The following MAP7D3 variants were observed in gnomAD, a reference collection of about 807,000 sequenced individuals.
The protein encoded by MAP7D3 is MAP7 domain containing 3.
In MAP7D3, 45 loss-of-function variants were observed where a neutral mutation model predicts 62.2. The ratio of observed to expected loss-of-function variants is 0.72; its 90% CI spans 0.57 to 0.93. The LOEUF is 0.93. Among genes scored for constraint, MAP7D3 ranks in the 40% least tolerant of loss-of-function variants. The probability of loss-of-function intolerance (pLI) is 0.00; values close to 1 mark genes in which losing one functional copy is unlikely to be tolerated. For missense variants in MAP7D3, 711 were observed against 683.1 expected (o/e 1.04, Z -0.45); for synonymous variants, 288 against 248.8 (o/e 1.16, Z -1.48).
upstream of MAP7D3, among the ~76,000 whole-genome samples, chrX:136,253,093 T>C (rs2074531386): frequency 9.0e-6 from 1 of 111,374 alleles, no homozygotes; most frequent in Admixed American, 9.5e-5. Context: ...CGAGACTCTG[T>C]CTCGAAGAAA....
chrX:136,215,929 T>C (rs1028995958), downstream of MAP7D3, among the ~76,000 whole-genome samples: 3 of 111,092 alleles, frequency 2.7e-5, no homozygotes, highest in Non-Finnish European at 5.7e-5. Context: ...GAGTGACTGC[T>C]TAAAGGACAC....
At chrX:136,230,655 G>A in intron 9 of MAP7D3, 62 bp from the exon 10 acceptor site, 1 of 906,859 alleles carries the variant, frequency 1.1e-6, no homozygotes, top group Middle Eastern at 2.7e-4. Context: ...TAAAATATAA[G>A]ATGCTATTAT....
At position 136,231,534 on chromosome X, in the gene MAP7D3, C is replaced by G; in HGVS notation, c.1413+10G>C. ...ATAGAAAATTTGTCAATAACAGGCA[C>G]TTGACAAACCTTTGGAGCGTCTCTC... On this transcript the variant is annotated intron_variant, in intron 8 of 18. Transcript: ENST00000316077. 1 of 1,179,278 alleles carries G rather than the reference C, an allele frequency of 8.5e-7. No homozygotes were observed. Among genetic ancestry groups the G allele is most frequent in the Non-Finnish European group, 1.1e-6 (1 of 880,287 alleles).
At chrX:136,216,133 A>C (rs1007428469), downstream of MAP7D3, among the ~76,000 whole-genome samples, 8 of 110,700 alleles carry the variant, frequency 7.2e-5, no homozygotes, top group Non-Finnish European at 1.5e-4. Context: ...AAAAATCAAA[A>C]GATACTGCAG....
Position 136,224,798 on chromosome X carries a change from T to C in MAP7D3, c.2193+29A>G, listed in dbSNP as rs368135893. 12 of 1,071,897 alleles carry C rather than the reference T, an allele frequency of 1.1e-5. No homozygotes were observed. In the African/African-American group the frequency reaches 2.2e-4, roughly 20 times the overall value. 88.3% of individuals were successfully genotyped at this position (1,071,897 alleles called of 1,213,427 possible). ...TAATGTGAAACAAGAGGCATTCTTATACACTGCTGGTAGGAGTATGGAGAC... is the reference window on the plus strand; with the variant it reads ...TAATGTGAAACAAGAGGCATTCTTACACACTGCTGGTAGGAGTATGGAGAC... On this transcript the variant is annotated intron_variant, in intron 14 of 18. Coordinates refer to ENST00000316077, the MANE Select transcript of MAP7D3 (RefSeq NM_024597.4).
intron 14 of MAP7D3, among the ~76,000 whole-genome samples, chrX:136,223,410 ACAAAGACACTCAC>A (rs2074154259): frequency 9.0e-6 from 1 of 110,885 alleles, no homozygotes; most frequent in Admixed American, 9.7e-5. Context: ...GAAACAGACC[ACAAAGACACTCAC>A]CATAAGGGAA....
At chrX:136,225,437 T>C (rs761485714) in intron 13 of MAP7D3, among the ~76,000 whole-genome samples, 1 of 111,745 alleles carries the variant, frequency 8.9e-6, no homozygotes, top group African/African-American at 3.2e-5. Flanking sequence ...TACTACCAGA[T>C]AGGCCTTGCA....
At position 136,232,340 on chromosome X, in the gene MAP7D3, G is replaced by A. The variant is rs956302068; in HGVS notation, c.737-120C>T. On this transcript the variant is annotated intron_variant, in intron 7 of 18. Transcript: ENST00000316077. Reference sequence around the variant, plus strand: ...GAGATTGTTTATTAGGAAAGCACAGGGATTACACACAACACAGGAAATGCT... The same window carrying A: ...GAGATTGTTTATTAGGAAAGCACAGAGATTACACACAACACAGGAAATGCT... The A allele has an allele frequency of 8.0e-6, 4 of 497,526 alleles. No individual in the cohort carries two copies. In the African/African-American group the frequency reaches 9.5e-5, roughly 12 times the overall value. 41.0% of individuals were successfully genotyped at this position (497,526 alleles called of 1,213,427 possible).
chrX:136,237,366 A>T (rs2074341283), intron 6 of MAP7D3, among the ~76,000 whole-genome samples: 1 of 112,323 alleles, frequency 8.9e-6, no homozygotes, highest in African/African-American at 3.2e-5. Context: ...GAGTAGAAAA[A>T]AATAGACTAC....
At chrX:136,253,710 GAAAT>G (rs1396999420), upstream of MAP7D3, among the ~76,000 whole-genome samples, 1 of 112,060 alleles carries the variant, frequency 8.9e-6, no homozygotes, top group Non-Finnish European at 1.9e-5. Flanking sequence ...TTCTTCTTAA[GAAAT>G]AAATAGTCAC....
chrX:136,247,838 T>C (rs2074465552), intron 1 of MAP7D3, among the ~76,000 whole-genome samples: 1 of 112,119 alleles, frequency 8.9e-6, no homozygotes, highest in Non-Finnish European at 1.9e-5. Context: ...ACTTGTAGTA[T>C]TGTTTTTACA....
chrX:136,249,750 T>C (rs1199834592), intron 1 of MAP7D3, among the ~76,000 whole-genome samples: 1 of 112,076 alleles, frequency 8.9e-6, no homozygotes, highest in Non-Finnish European at 1.9e-5. Context: ...CGCTGAGATC[T>C]AAAGGGCAGT....
intron 12 of MAP7D3, 89 bp downstream of exon 12, chrX:136,227,195 T>C: frequency 2.5e-6 from 2 of 803,943 alleles, no homozygotes; most frequent in Non-Finnish European, 3.6e-6. Flanking sequence ...TCATGTCTTC[T>C]TTCTCAGAGA....
intron 11 of MAP7D3, 148 bp from the exon 12 acceptor site, chrX:136,227,579 T>C: frequency 2.6e-6 from 1 of 385,702 alleles, no homozygotes; most frequent in Non-Finnish European, 4.3e-6. Context: ...GTTGTTACTA[T>C]ATAGGAATTA....
At chrX:136,251,235 A>C in intron 1 of MAP7D3, 54 bp downstream of exon 1, 2 of 1,028,839 alleles carry the variant, frequency 1.9e-6, no homozygotes, top group Non-Finnish European at 2.6e-6. Flanking sequence ...GACTGCGGGA[A>C]CCCTGCCTCC....
chrX:136,253,906 G>A (rs376718491), upstream of MAP7D3, among the ~76,000 whole-genome samples: 32 of 109,224 alleles, frequency 2.9e-4, no homozygotes, highest in African/African-American at 1.1e-3. Context: ...TACTCGGGAG[G>A]CTAAGGCAAG....
At chrX:136,220,724 T>A in intron 16 of MAP7D3, 41 bp downstream of exon 16, 1 of 1,055,496 alleles carries the variant, frequency 9.5e-7, no homozygotes, top group Non-Finnish European at 1.3e-6. Flanking sequence ...TCAATCATAA[T>A]CCTGCCAAGT....
chrX:136,231,978 CA>C lies in MAP7D3; in HGVS notation c.978del (p.Val327TrpfsTer7), dbSNP rs1466656081. On this transcript the variant is annotated frameshift_variant, in exon 8 of 19. Coordinates refer to ENST00000316077, the MANE Select transcript of MAP7D3 (RefSeq NM_024597.4). LOFTEE classifies it high-confidence loss of function. ...GTGCTCACCTCAGGGGCCATGCCCACACCTGCCTTGGGGGACGCTTCCATGC... is the reference window on the plus strand; with the variant it reads ...GTGCTCACCTCAGGGGCCATGCCCACCCTGCCTTGGGGGACGCTTCCATGC... ...NTSMEASPKA[G>X]VGMAPEVSTD... 8.3e-7 allele frequency: 1 copy of C among 1,211,733 alleles called. No homozygotes were observed. The highest frequency in any genetic ancestry group is 2.2e-5 in the Admixed American group (1 of 46,054).
At chrX:136,224,908 C>T (rs1439189072) in intron 13 of MAP7D3, 28 bp from the exon 14 acceptor site, 1 of 1,002,869 alleles carries the variant, frequency 1.0e-6, no homozygotes, top group Admixed American at 2.2e-5. Flanking sequence ...AAAATTCAAA[C>T]ATGAAAACAG....
Sources: allele counts gnomAD v4.1 joint callset (sites outside exome capture counted in the v4.1 genomes callset), GRCh38; gene constraint gnomAD v4.1.1; transcripts MANE v1.5; gene names NCBI Gene and HGNC (gene_info 2026-07-23, HGNC 2026-07-21).